Variants in RAI14 observed in about 807,000 individuals in gnomAD.
The protein encoded by RAI14 is retinoic acid induced 14.
A neutral mutation model predicts 115.4 loss-of-function variants in RAI14; 45 were observed. That is an observed-to-expected ratio of 0.39 (90% CI 0.31 to 0.50). The LOEUF (loss-of-function observed/expected upper bound fraction) is 0.50, where lower values mean the gene tolerates loss of function less well. RAI14 is among the 20% of genes least tolerant of loss of function. The pLI, the probability that RAI14 is intolerant of heterozygous loss-of-function variation, is 0.85. For missense variants in RAI14, 939 were observed against 1,131.2 expected, an observed-to-expected ratio of 0.83 and a Z score of 2.44; for synonymous variants, 371 against 415.4, an observed-to-expected ratio of 0.89 and a Z score of 1.30.
chr5:34,774,271 T>C (rs1307314176), intron 3 of RAI14, among the ~76,000 whole-genome samples: 2 of 151,952 alleles, frequency 1.3e-5, no homozygotes, highest in Admixed American at 1.3e-4. Flanking sequence ...CTTGGGAGGC[T>C]GAGGAAGGAG....
intron 14 of RAI14, among the ~76,000 whole-genome samples, chr5:34,822,243 T>C (rs971969923): frequency 2.6e-5 from 3 of 114,138 alleles, no homozygotes; most frequent in Non-Finnish European, 5.5e-5. Context: ...TATATGTATG[T>C]GTGTATGTAT....
At chr5:34,756,863 AGCTCTTTGACGTTTAAGAGCTT>A (rs1747951350) in intron 2 of RAI14, among the ~76,000 whole-genome samples, 1 of 152,222 alleles carries the variant, frequency 6.6e-6, no homozygotes, top group Admixed American at 6.5e-5. Flanking sequence ...CTTTGCTCAA[AGCTCTTTGACGTTTAAGAGCTT>A]GCTCAGGAAG....
At chr5:34,761,271 CA>C (rs1401756990) in intron 3 of RAI14, among the ~76,000 whole-genome samples, 1 of 152,244 alleles carries the variant, frequency 6.6e-6, no homozygotes, top group Non-Finnish European at 1.5e-5. Flanking sequence ...ACTGTAGCCT[CA>C]ACCTCACAGG....
chr5:34,812,132 G>A lies in RAI14; in HGVS notation c.737-48G>A, dbSNP rs771777744. 2.0e-6 allele frequency: 3 copies of A among 1,501,974 alleles called. No homozygotes were observed. In the South Asian group the frequency reaches 3.6e-5, roughly 18 times the overall value. The allele number at this position is 1,501,974 out of a possible 1,614,324, so 93.0% of individuals were successfully genotyped here. ...GTATCCCCCCACCCAAAGTGAATAT[G>A]AATCATTATGCTTCTTATAGTTCTT... On this transcript the variant is annotated intron_variant, in intron 9 of 17. Transcript: ENST00000265109.
At chr5:34,799,526 ACACACACACAC>A (rs1220160825) in intron 4 of RAI14, among the ~76,000 whole-genome samples, 6 of 119,532 alleles carry the variant, frequency 5.0e-5, no homozygotes, top group African/African-American at 1.7e-4. Flanking sequence ...ACACACACAC[ACACACACACAC>A]ACAAAACCAC....
chr5:34,685,936 T>G (rs1187864620), intron 1 of RAI14: 1 of 152,216 alleles, frequency 6.6e-6, no homozygotes, highest in Non-Finnish European at 1.5e-5. Flanking sequence ...CACAAGACCC[T>G]GAGAGTCTTG....
chr5:34,828,465 T>C (rs184831768), intron 16 of RAI14, among the ~76,000 whole-genome samples: 1 of 151,476 alleles, frequency 6.6e-6, no homozygotes, highest in Admixed American at 6.6e-5. Flanking sequence ...TAGAGGTTGC[T>C]GAAAGGTGGG....
chr5:34,775,282 A>G (rs958185970), intron 3 of RAI14, among the ~76,000 whole-genome samples: 1 of 152,222 alleles, frequency 6.6e-6, no homozygotes, highest in Non-Finnish European at 1.5e-5. Flanking sequence ...ATCAAGATAA[A>G]AAGCTTCTGC....
At chr5:34,708,318 G>A (rs1043729779) in intron 2 of RAI14, among the ~76,000 whole-genome samples, 1 of 151,446 alleles carries the variant, frequency 6.6e-6, no homozygotes, top group East Asian at 1.9e-4. Context: ...TTCTCCTGCC[G>A]TAGCCTCCCG....
intron 2 of RAI14, among the ~76,000 whole-genome samples, chr5:34,719,331 T>G (rs1200823665): frequency 1.3e-5 from 2 of 152,162 alleles, no homozygotes; most frequent in Non-Finnish European, 2.9e-5. Flanking sequence ...GGAAACCTCA[T>G]CCATCCCCTG....
At chr5:34,734,831 T>C (rs1268909778) in intron 2 of RAI14, among the ~76,000 whole-genome samples, 3 of 152,052 alleles carry the variant, frequency 2.0e-5, no homozygotes, top group African/African-American at 7.2e-5. Flanking sequence ...AAGCTAATTT[T>C]TGTATTTTTA....
chr5:34,814,523 G>GAGA, intron 11 of RAI14, 60 bp from the exon 12 acceptor site: 1 of 1,290,730 alleles, frequency 7.7e-7, no homozygotes, highest in Non-Finnish European at 1.1e-6. Context: ...TTCGGCACTG[G>GAGA]AGAAGAGGAG....
intron 1 of RAI14, chr5:34,685,019 C>CG (rs1182020448): frequency 4.0e-4 from 1 of 2,488 alleles, no homozygotes; most frequent in Admixed American, 5.8e-3. Flanking sequence ...AGTGTATTTT[C>CG]ATTTTTTTTT....
At chr5:34,665,021 GTA>G (rs1317503059) in intron 1 of RAI14, among the ~76,000 whole-genome samples, 1 of 40,406 alleles carries the variant, frequency 2.5e-5, no homozygotes, top group African/African-American at 8.8e-5. Context: ...ATATATATGT[GTA>G]TATATATATG....
intron 1 of RAI14, among the ~76,000 whole-genome samples, chr5:34,675,450 G>A (rs547406750): frequency 9.3e-4 from 141 of 152,236 alleles, no homozygotes; most frequent in Middle Eastern, 3.4e-3. Flanking sequence ...TTTTCTGGAT[G>A]TGTCTTAGAA....
intron 5 of RAI14, among the ~76,000 whole-genome samples, chr5:34,806,511 G>A (rs1754911502): frequency 6.6e-6 from 1 of 152,176 alleles, no homozygotes; most frequent in African/African-American, 2.4e-5. Context: ...AGAAAAGGGT[G>A]TCGGGAACAA....
At position 34,739,183 on chromosome 5, in the gene RAI14, A is replaced by T. The variant is rs1489619811; in HGVS notation, c.37-18285A>T. 3.9e-5 allele frequency among the ~76,000 whole-genome samples: 6 copies of T among 152,212 alleles called. No individual in the cohort carries two copies. In the East Asian group the frequency reaches 1.2e-3, roughly 29 times the overall value. On this transcript the variant is annotated intron_variant, in intron 2 of 17. Coordinates refer to ENST00000265109, the MANE Select transcript of RAI14 (RefSeq NM_015577.3). ...TTACTGAATGTTTACCCTGTGCCAGACATGGTTTTCAATATTTTATAAATA... is the reference window on the plus strand; with the variant it reads ...TTACTGAATGTTTACCCTGTGCCAGTCATGGTTTTCAATATTTTATAAATA...
At chr5:34,678,061 G>T (rs1744116426) in intron 1 of RAI14, among the ~76,000 whole-genome samples, 2 of 152,002 alleles carry the variant, frequency 1.3e-5, no homozygotes, top group South Asian at 4.2e-4. Context: ...GTAGGGCAGA[G>T]GAAGATAAGA....
chr5:34,812,377 G>T (rs552048819), intron 10 of RAI14, among the ~76,000 whole-genome samples, 169 bp downstream of exon 10: 1 of 152,178 alleles, frequency 6.6e-6, no homozygotes, highest in South Asian at 2.1e-4. Flanking sequence ...AGGTGTTAAA[G>T]GTTGCCAGGC....
Sources: gnomAD v4.1 joint callset for allele counts (sites outside exome capture counted in the v4.1 genomes callset) on GRCh38, gnomAD v4.1.1 for gene constraint, MANE v1.5 for transcripts, NCBI Gene and HGNC (gene_info 2026-07-23, HGNC 2026-07-21) for gene names.